UBASH3A: variants seen among roughly 807,000 people sequenced by gnomAD.
The protein encoded by UBASH3A is ubiquitin-associated and SH3 domain-containing protein A.
UBASH3A carries 63 observed loss-of-function variants against 73.5 expected under a neutral mutation model. The ratio of observed to expected loss-of-function variants is 0.86; its 90% CI spans 0.70 to 1.06. UBASH3A has a LOEUF of 1.06. Among genes scored for constraint, UBASH3A ranks in the 50% least tolerant of loss-of-function variants. UBASH3A has a pLI of 0.00. For synonymous variants in UBASH3A, 363 were observed against 351.1 expected (o/e 1.03, Z -0.38); for missense variants, 860 against 859.0 (o/e 1.00, Z -0.02).
intron 12 of UBASH3A, among the ~76,000 whole-genome samples, chr21:42,442,958 C>T (rs1198243328): frequency 6.6e-6 from 1 of 152,186 alleles, no homozygotes; most frequent in Non-Finnish European, 1.5e-5. Flanking sequence ...TCTTGCTAAA[C>T]TCACTCTGCA....
intron 8 of UBASH3A, among the ~76,000 whole-genome samples, chr21:42,428,284 T>G (rs1035109246): frequency 1.3e-5 from 2 of 152,168 alleles, no homozygotes; most frequent in African/African-American, 2.4e-5. Flanking sequence ...TGGCAGCTGG[T>G]GCAAATCAGC....
At chr21:42,443,972 C>T (rs994422497) in intron 13 of UBASH3A, among the ~76,000 whole-genome samples, 5 of 152,168 alleles carry the variant, frequency 3.3e-5, no homozygotes, top group African/African-American at 9.7e-5. Flanking sequence ...TTCCAGGTGG[C>T]GCCCCCTTCC....
At chr21:42,410,343 C>G in intron 3 of UBASH3A, 1 of 590,614 alleles carries the variant, frequency 1.7e-6, no homozygotes, top group South Asian at 2.0e-5. Flanking sequence ...GGCCTGGCCC[C>G]AACTCTGCTG....
Position 42,413,215 on chromosome 21 carries a change from C to G in UBASH3A, c.546C>G (p.Leu182=), listed in dbSNP as rs1471854580. Residue 182 remains leucine (L), a synonymous_variant, in exon 4 of 15, where the codon CTC becomes CTG. Transcript: ENST00000319294. The surrounding 1 kb of genome is among the most constrained non-coding windows in gnomAD (Gnocchi z 4.5). ...FAMTFATEAS[L]LAGTSVSRFW... ...TGACCTTCGCCACGGAAGCATCTCT[C>G]TTAGCAGGTGGGCAGCCCTGGCCAG... 2 of 1,614,234 alleles carry G rather than the reference C, an allele frequency of 1.2e-6. No homozygotes were observed. The highest frequency in any genetic ancestry group is 3.3e-5 in the Admixed American group (2 of 60,028).
At position 42,434,892 on chromosome 21, in the gene UBASH3A, T is replaced by C; in HGVS notation, c.1331T>C (p.Ile444Thr). Residue 444 changes from isoleucine (I) to threonine (T), a missense_variant, in exon 10 of 15, where the codon ATC (isoleucine) becomes ACC (threonine). By Grantham distance (89) the Ile-to-Thr change is moderately conservative. Transcript: ENST00000319294. Reference protein sequence around the residue: ...PCSLPRRSRGIKDFENDPPLS... With the variant: ...PCSLPRRSRGTKDFENDPPLS... ...AGTCTGCCAAGACGGAGTCGTGGGA[T>C]CAAAGACTTTGAAAACGATCCCCCA... is the stretch of plus-strand genomic sequence containing the variant. 1.2e-6 allele frequency: 2 copies of C among 1,614,224 alleles called. No homozygotes were observed. The highest frequency in any genetic ancestry group is 2.2e-5 in the South Asian group (2 of 91,084).
intron 5 of UBASH3A, among the ~76,000 whole-genome samples, chr21:42,416,194 G>A (rs2053202596): frequency 1.3e-5 from 2 of 151,924 alleles, no homozygotes; most frequent in Non-Finnish European, 2.9e-5. Context: ...TCGTGCATTC[G>A]GGCAGCTAGC....
In UBASH3A at chr21:42,409,422, G is replaced by C. The variant is rs768414096; in HGVS notation, c.168G>C (p.Trp56Cys). 1 of 1,569,604 alleles carries C rather than the reference G, an allele frequency of 6.4e-7. No homozygotes were observed. The highest frequency in any genetic ancestry group is 2.3e-5 in the East Asian group (1 of 44,246). The change falls in exon 3 of 15, where the codon TGG becomes TGC. Residue 56 changes from tryptophan to cysteine, a missense_variant and splice_region_variant. By Grantham distance (215) the Trp-to-Cys change is radical. Coordinates refer to ENST00000319294, the MANE Select transcript of UBASH3A (RefSeq NM_018961.4). ...GRKTAEEALA[W>C]LHDHCNDPSL... ...GATGCCGGCTTGCTCTCTGTTGCAG[G>C]CTGCATGATCATTGCAATGACCCTT...
At position 42,421,163 on chromosome 21, in the gene UBASH3A, A is replaced by T. The variant is rs140944125; in HGVS notation, c.1046+2554A>T. Among the ~76,000 whole-genome samples, 57 of 152,386 alleles carry T rather than the reference A, an allele frequency of 3.7e-4. No homozygotes were observed. The East Asian group carries it at 0.011, about 28-fold the overall frequency. ...TTAGGAGAGTGGAGAGAGCAGGCAG[A>T]GGTCAGAGTACACATGGTGAAAAAA... is the stretch of plus-strand genomic sequence containing the variant. On this transcript the variant is annotated intron_variant, in intron 7 of 14. Coordinates refer to ENST00000319294, the MANE Select transcript of UBASH3A (RefSeq NM_018961.4).
chr21:42,445,795 G>A (rs746447960), intron 14 of UBASH3A, among the ~76,000 whole-genome samples: 4 of 152,090 alleles, frequency 2.6e-5, no homozygotes, highest in African/African-American at 4.8e-5. Context: ...ACATTTCCGA[G>A]CGCCCTGGAT....
Position 42,403,969 on chromosome 21 carries a change from C to G in UBASH3A, c.24C>G (p.Leu8=). Residue 8 remains leucine (L), a synonymous_variant, in exon 1 of 15, where the codon CTC becomes CTG. Coordinates refer to ENST00000319294, the MANE Select transcript of UBASH3A (RefSeq NM_018961.4). MAAGETQ[L]YAKVSNKLKS... The stretch of plus-strand genomic sequence containing the variant: ...AGATGGCAGCGGGGGAGACGCAGCT[C>G]TACGCCAAGGTCTCCAACAAGCTCA... The G allele has an allele frequency of 6.6e-7, 1 of 1,521,414 alleles. No individual in the cohort carries two copies. 94.2% of individuals were successfully genotyped at this position (1,521,414 alleles called of 1,614,324 possible). A position where few individuals can be genotyped will look rare whatever the true frequency, so the allele number is the denominator to read the frequency against.
chr21:42,418,556 G>A lies in UBASH3A; in HGVS notation c.993G>A (p.Leu331=). 1 of 1,614,186 alleles carries A rather than the reference G, an allele frequency of 6.2e-7. No individual in the cohort carries two copies. Among genetic ancestry groups the A allele is most frequent in the Non-Finnish European group, 8.5e-7 (1 of 1,180,038 alleles). ...ISQRTGCRGF[L]PENYTDRASE... ...AGCGGACGGGCTGCCGGGGCTTCCT[G>A]CCGGAAAACTACACGGATCGAGCCA... is the stretch of plus-strand genomic sequence containing the variant. The change falls in exon 7 of 15, where the codon CTG becomes CTA. Residue 331 remains leucine, a synonymous_variant. Transcript: ENST00000319294.
intron 11 of UBASH3A, among the ~76,000 whole-genome samples, chr21:42,439,913 C>A (rs1019564793): frequency 6.8e-6 from 1 of 146,114 alleles, no homozygotes; most frequent in Non-Finnish European, 1.5e-5. Flanking sequence ...ACACCACACA[C>A]CTCACACACA....
chr21:42,432,280 C>T (rs2053545624), intron 9 of UBASH3A, 78 bp downstream of exon 9: 2 of 960,086 alleles, frequency 2.1e-6, no homozygotes, highest in East Asian at 5.2e-5. Flanking sequence ...AATGACCTTA[C>T]ATGGCACCAG....
intron 1 of UBASH3A, chr21:42,404,267 G>A (rs1180893541): frequency 1.6e-5 from 6 of 370,616 alleles, no homozygotes; most frequent in Non-Finnish European, 2.4e-5. Context: ...ACCCACATGA[G>A]GCCCAGGACA....
chr21:42,444,463 T>C (rs1303492464), intron 13 of UBASH3A, 71 bp from the exon 14 acceptor site: 4 of 1,189,020 alleles, frequency 3.4e-6, no homozygotes, highest in Non-Finnish European at 5.0e-6. Flanking sequence ...CCCACCACTT[T>C]GGGGACCCCA....
chr21:42,429,520 C>G (rs17114898), intron 8 of UBASH3A, among the ~76,000 whole-genome samples: 5,819 of 152,248 alleles, frequency 0.038, 118 homozygotes, highest in African/African-American at 0.051. Flanking sequence ...AACTTCAGCC[C>G]GCAAGTTGAA....
intron 9 of UBASH3A, among the ~76,000 whole-genome samples, chr21:42,434,464 A>T (rs981051768): frequency 6.6e-6 from 1 of 152,212 alleles, no homozygotes; most frequent in Non-Finnish European, 1.5e-5. Context: ...GGGATGGATC[A>T]TTGATGCCAA....
intron 11 of UBASH3A, among the ~76,000 whole-genome samples, chr21:42,441,551 G>A (rs2053744219): frequency 7.8e-6 from 1 of 127,406 alleles, no homozygotes; most frequent in Non-Finnish European, 1.7e-5. Flanking sequence ...GGACTCAGGG[G>A]CCTGGTTGAT....
At chr21:42,414,426 C>T (rs2053162062) in intron 5 of UBASH3A, among the ~76,000 whole-genome samples, 3 of 152,314 alleles carry the variant, frequency 2.0e-5, no homozygotes, top group African/African-American at 7.2e-5. Flanking sequence ...TTGGCAGCAT[C>T]TTAAAAACAG....
Sources: allele counts gnomAD v4.1 joint callset (sites outside exome capture counted in the v4.1 genomes callset), GRCh38; gene constraint gnomAD v4.1.1; non-coding constraint Gnocchi (gnomAD v3.1); transcripts MANE v1.5; gene names NCBI Gene and HGNC (gene_info 2026-07-23, HGNC 2026-07-21).